The following PRAMEF4 variants were observed in gnomAD, a reference collection of about 807,000 sequenced individuals.
The protein encoded by PRAMEF4 is PRAME family member 4.
Under a neutral mutation model 34.4 loss-of-function variants are expected in PRAMEF4, and 18 were observed. The observed-to-expected ratio is 0.52, with a 90% CI of 0.36 to 0.78. PRAMEF4 has a LOEUF of 0.78. PRAMEF4 is among the 30% of genes least tolerant of loss of function. The pLI is 0.00. For synonymous variants in PRAMEF4, 156 were observed against 219.3 expected, an observed-to-expected ratio of 0.71 and a Z score of 2.55; for missense variants, 482 against 569.1, an observed-to-expected ratio of 0.85 and a Z score of 1.56.
Position 12,879,846 on chromosome 1 carries a change from A to G in PRAMEF4, c.1135T>C (p.Cys379Arg), listed in dbSNP as rs1240585424. ...AAGCTGAAGGTGTTGAGCTCAAAGC[A>G]GCGGCTCAGGGCAGGCAAGATGGCG... is the stretch of plus-strand genomic sequence containing the variant. ...VNAILPALSR[C>R]FELNTFSFCG... Residue 379 changes from cysteine to arginine, a missense_variant, in exon 4 of 4, where the codon TGC becomes CGC. Cys to Arg is a radical substitution (Grantham distance 180). Transcript: ENST00000235349. 8 of 1,599,650 alleles carry G rather than the reference A, an allele frequency of 5.0e-6. 2 individuals are homozygous for G. Among genetic ancestry groups the G allele is most frequent in the Non-Finnish European group, 6.8e-6 (8 of 1,173,554 alleles).
rs1278309668 is a variant in PRAMEF4, at chr1:12,884,904, A to G, written c.-17+1243T>C. Among the ~76,000 whole-genome samples, 9 of 150,298 alleles carry G rather than the reference A, an allele frequency of 6.0e-5. No individual in the cohort carries two copies. In the East Asian group the frequency reaches 1.6e-3, roughly 26 times the overall value. On this transcript the variant is annotated intron_variant, in intron 1 of 3. Transcript: ENST00000235349. Reference sequence around the variant, plus strand: ...TTCACAAACATGGAGTTTTACTAATATGTGTCCTTCAAAGTCCTGAGTGTG... The same window carrying G: ...TTCACAAACATGGAGTTTTACTAATGTGTGTCCTTCAAAGTCCTGAGTGTG...
Position 12,882,095 on chromosome 1 carries a change from C to T in PRAMEF4, c.634G>A (p.Val212Met). Reference protein sequence around the residue: ...KMVNLDCIQEVEVNCKWVLPI... With the variant: ...KMVNLDCIQEMEVNCKWVLPI... ...AGTACCCACTTGCAATTCACTTCCA[C>T]CTCCTGGATACAGTCTAGGTTCACC... is the stretch of plus-strand genomic sequence containing the variant. The change falls in exon 3 of 4, where the codon GTG (valine) becomes ATG (methionine). Residue 212 changes from valine to methionine, a missense_variant. Physicochemically the swap from Val to Met is conservative, Grantham distance 21 (BLOSUM62 1). This residue lies in a region of PRAMEF4 where 72 missense variants were observed against 128.9 expected (regional missense o/e 0.56). Transcript: ENST00000235349. The T allele has an allele frequency of 1.3e-6, 2 of 1,586,056 alleles. No homozygotes were observed. Among genetic ancestry groups the T allele is most frequent in the Non-Finnish European group, 1.7e-6 (2 of 1,171,996 alleles).
intron 3 of PRAMEF4, among the ~76,000 whole-genome samples, chr1:12,881,341 A>G (rs368450309): frequency 2.4e-4 from 35 of 148,744 alleles, no homozygotes; most frequent in South Asian, 1.1e-3. Flanking sequence ...ACTGTAGCCT[A>G]GACGATCAAA....
chr1:12,882,264 A>G lies in PRAMEF4; in HGVS notation c.465T>C (p.Leu155=). The G allele has an allele frequency of 6.4e-7, 1 of 1,555,876 alleles. No individual in the cohort carries two copies. The highest frequency in any genetic ancestry group is 1.1e-5 in the South Asian group (1 of 89,154). The change falls in exon 3 of 4, where the codon CTT becomes CTC. Residue 155 remains leucine (L), a synonymous_variant. Coordinates refer to ENST00000235349, the MANE Select transcript of PRAMEF4 (RefSeq NM_001009611.4). ...CATCCAGAGTCCTGTTCTTGAGCCA[A>G]AGTTCTACGAACACAGTCAAGGGCT... is the stretch of plus-strand genomic sequence containing the variant. ...GRQPLTVFVE[L]WLKNRTLDEY...
At chr1:12,884,266 C>T (rs558081442) in intron 1 of PRAMEF4, among the ~76,000 whole-genome samples, 1 of 148,748 alleles carries the variant, frequency 6.7e-6, no homozygotes, top group African/African-American at 2.5e-5. Context: ...ATCTACCCCT[C>T]TTGGCCTCCC....
chr1:12,881,270 G>C (rs188701032), intron 3 of PRAMEF4, among the ~76,000 whole-genome samples: 2 of 148,592 alleles, frequency 1.3e-5, no homozygotes, highest in African/African-American at 2.5e-5. Flanking sequence ...GGAGGCTGAG[G>C]CAGGAGAATC....
Position 12,882,269 on chromosome 1 carries a change from C to G in PRAMEF4, c.460G>C (p.Glu154Gln), listed in dbSNP as rs1296155084. The change falls in exon 3 of 4, where the codon GAA becomes CAA. Residue 154 changes from glutamate (E) to glutamine (Q), a missense_variant. By Grantham distance (29) the Glu-to-Gln change is conservative. Transcript: ENST00000235349. ...KGRQPLTVFV[E>Q]LWLKNRTLDE... Reference sequence around the variant, plus strand: ...AGAGTCCTGTTCTTGAGCCAAAGTTCTACGAACACAGTCAAGGGCTGCCGT... The same window carrying G: ...AGAGTCCTGTTCTTGAGCCAAAGTTGTACGAACACAGTCAAGGGCTGCCGT... 6.5e-7 allele frequency: 1 copy of G among 1,549,002 alleles called. No homozygotes were observed. The highest frequency in any genetic ancestry group is 2.3e-5 in the East Asian group (1 of 44,014).
chr1:12,882,769 T>G lies in PRAMEF4; in HGVS notation c.293+333A>C, dbSNP rs564046691. ...CCATGCCCAGCTAATTTTAGTATTT[T>G]TAGTAGAGTTGGGGTTTACCATGTT... On this transcript the variant is annotated intron_variant, in intron 2 of 3. Coordinates refer to ENST00000235349, the MANE Select transcript of PRAMEF4 (RefSeq NM_001009611.4). 9.4e-3 allele frequency among the ~76,000 whole-genome samples: 1,353 copies of G among 143,894 alleles called. 61 individuals are homozygous for G. Among genetic ancestry groups the G allele is most frequent in the Non-Finnish European group, 0.012 (798 of 65,806 alleles). 94.4% of individuals were successfully genotyped at this position (143,894 alleles called of 152,430 possible).
At position 12,882,028 on chromosome 1, in the gene PRAMEF4, C is replaced by G; in HGVS notation, c.701G>C (p.Arg234Thr). 2 of 1,590,834 alleles carry G rather than the reference C, an allele frequency of 1.3e-6. No homozygotes were observed. Among genetic ancestry groups the G allele is most frequent in the Non-Finnish European group, 1.7e-6 (2 of 1,173,390 alleles). The change falls in exon 3 of 4, where the codon AGG (arginine) becomes ACG (threonine). Residue 234 changes from arginine to threonine, a missense_variant. By Grantham distance (71) the Arg-to-Thr change is moderately conservative. Coordinates refer to ENST00000235349, the MANE Select transcript of PRAMEF4 (RefSeq NM_001009611.4). ...GGAGAGAATGAGTTTCTGAAGATTC[C>G]TCATGTGGCCCAGGTATGGGGTAAA... ...TQFTPYLGHMRNLQKLILSHM... is the reference protein window; with the variant it reads ...TQFTPYLGHMTNLQKLILSHM...
chr1:12,884,707 G>A (rs796952916), intron 1 of PRAMEF4, among the ~76,000 whole-genome samples: 3 of 147,416 alleles, frequency 2.0e-5, no homozygotes, highest in African/African-American at 7.6e-5. Flanking sequence ...AGGCTAGATT[G>A]AACAGAGAGA....
chr1:12,883,247 G>T lies in PRAMEF4; in HGVS notation c.148C>A (p.Arg50Ser). 1 of 1,599,226 alleles carries T rather than the reference G, an allele frequency of 6.3e-7. No homozygotes were observed. Among genetic ancestry groups the T allele is most frequent in the Non-Finnish European group, 8.5e-7 (1 of 1,173,042 alleles). ...PLFMEAFSRR[R>S]CEALKLMVQS... ...ACCATCAGCTTCAGGGCCTCACAGC[G>T]TCTCCTGCTGAAGGCCTCCATGAAC... The change falls in exon 2 of 4, where the codon CGC becomes AGC. Residue 50 changes from arginine to serine, a missense_variant. Physicochemically the swap from Arg to Ser is moderately radical, Grantham distance 110 (BLOSUM62 -1). This residue lies in a region of PRAMEF4 where 172 missense variants were observed against 130.2 expected (regional missense o/e 1.32). Transcript: ENST00000235349.
rs1486308551 is a variant in PRAMEF4, at chr1:12,879,444, T to C, written c.*100A>G. On this transcript the variant is annotated 3_prime_UTR_variant, in exon 4 of 4. Transcript: ENST00000235349. The stretch of plus-strand genomic sequence containing the variant: ...CTTTCAGAGCCTATGTGTGAAATGA[T>C]GGGTTCTGTGCTCCCTTTAGGATGT... 6.6e-6 allele frequency: 5 copies of C among 758,988 alleles called. 1 individual carries two copies. Among genetic ancestry groups the C allele is most frequent in the Non-Finnish European group, 1.0e-5 (5 of 486,238 alleles). 47.0% of individuals were successfully genotyped at this position (758,988 alleles called of 1,614,324 possible).
At chr1:12,882,937 C>T (rs1640920388) in intron 2 of PRAMEF4, among the ~76,000 whole-genome samples, 165 bp downstream of exon 2, 1 of 146,638 alleles carries the variant, frequency 6.8e-6, no homozygotes, top group Non-Finnish European at 1.5e-5. Flanking sequence ...CTCCATGGAC[C>T]TTGCGTGGTG....
At chr1:12,885,805 T>A (rs1640991753) in intron 1 of PRAMEF4, among the ~76,000 whole-genome samples, 1 of 145,386 alleles carries the variant, frequency 6.9e-6, no homozygotes, top group Admixed American at 7.2e-5. Flanking sequence ...AAAAAAACGT[T>A]GTGCAGAGGA....
chr1:12,884,793 G>T lies in PRAMEF4; in HGVS notation c.-17+1354C>A, dbSNP rs571953946. ...TTATTGGATTTTTGGCTTTCTTAAA[G>T]ATTAACTGATCGAATTAGATATTGA... On this transcript the variant is annotated intron_variant, in intron 1 of 3. Transcript: ENST00000235349. Among the ~76,000 whole-genome samples the T allele has an allele frequency of 3.5e-4, 53 of 149,636 alleles. 2 individuals are homozygous for T. The highest frequency in any genetic ancestry group is 1.2e-3 in the African/African-American group (49 of 40,484).
chr1:12,885,382 A>G lies in PRAMEF4; in HGVS notation c.-17+765T>C, dbSNP rs56914449. Among the ~76,000 whole-genome samples the G allele has an allele frequency of 1.8e-3, 266 of 150,022 alleles. 11 individuals carry two copies. Among genetic ancestry groups the G allele is most frequent in the African/African-American group, 6.2e-3 (251 of 40,554 alleles). Reference sequence around the variant, plus strand: ...TGATTTTGTTTTTGTTTTTGGACAGAGTGTCTCTCTTTTGCCCAGGCTGGA... The same window carrying G: ...TGATTTTGTTTTTGTTTTTGGACAGGGTGTCTCTCTTTTGCCCAGGCTGGA... On this transcript the variant is annotated intron_variant, in intron 1 of 3. Coordinates refer to ENST00000235349, the MANE Select transcript of PRAMEF4 (RefSeq NM_001009611.4).
At position 12,882,437 on chromosome 1, in the gene PRAMEF4, T is replaced by C; in HGVS notation, c.294-2A>G. The C allele has an allele frequency of 6.3e-7, 1 of 1,586,752 alleles. No individual in the cohort carries two copies. Among genetic ancestry groups the C allele is most frequent in the South Asian group, 1.1e-5 (1 of 89,994 alleles). On this transcript the variant is annotated splice_acceptor_variant, in intron 2 of 3. Transcript: ENST00000235349. LOFTEE classifies it high-confidence loss of function. ...TCCAGCACTTGAAGTTTCCACCTCC[T>C]GTGGGAAAATAGAGGTGAGACTGAG... is the stretch of plus-strand genomic sequence containing the variant.
chr1:12,881,500 G>C (rs1569878968), intron 3 of PRAMEF4, among the ~76,000 whole-genome samples: 1 of 148,968 alleles, frequency 6.7e-6, no homozygotes, highest in South Asian at 2.1e-4. Flanking sequence ...CAAAGTGATA[G>C]GATTACAGGC....
chr1:12,885,179 G>T (rs1209517191), intron 1 of PRAMEF4, among the ~76,000 whole-genome samples: 1 of 150,486 alleles, frequency 6.6e-6, no homozygotes, highest in Admixed American at 6.8e-5. Context: ...GCCCAGGCTG[G>T]AGTGCAGTGG....
Sources: allele counts gnomAD v4.1 joint callset (sites outside exome capture counted in the v4.1 genomes callset), GRCh38; gene constraint gnomAD v4.1.1; regional missense constraint gnomAD v4.1.1; transcripts MANE v1.5; gene names NCBI Gene and HGNC (gene_info 2026-07-23, HGNC 2026-07-21).